Variants in SLC10A7 observed in about 807,000 individuals in gnomAD.
SLC10A7 encodes the protein solute carrier family 10 member 7, also known as sodium/bile acid cotransporter 7.
In SLC10A7, 29 loss-of-function variants were observed where a neutral mutation model predicts 43.2. The observed-to-expected ratio is 0.67, with a 90% CI of 0.50 to 0.92. The LOEUF (loss-of-function observed/expected upper bound fraction) is 0.92. Ranked by LOEUF, SLC10A7 falls within the 40% of genes least tolerant of loss-of-function variation. The probability of loss-of-function intolerance (pLI) is 0.00; values close to 1 mark genes in which losing one functional copy is unlikely to be tolerated. For missense variants in SLC10A7, 295 were observed against 403.2 expected (o/e 0.73, Z 2.30); for synonymous variants, 152 against 144.8 (o/e 1.05, Z -0.35).
intron 5 of SLC10A7, among the ~76,000 whole-genome samples, chr4:146,439,736 T>C (rs1460076933): frequency 1.3e-5 from 2 of 152,144 alleles, no homozygotes; most frequent in Non-Finnish European, 2.9e-5. Context: ...GGGAAGCTTA[T>C]ATAATTAGGC....
At chr4:146,503,290 G>T (rs940442938) in intron 4 of SLC10A7, among the ~76,000 whole-genome samples, 1 of 152,090 alleles carries the variant, frequency 6.6e-6, no homozygotes, top group Non-Finnish European at 1.5e-5. Context: ...TTCAACCAAG[G>T]AAGAACCCCC....
At chr4:146,370,432 C>T (rs1414995941) in intron 5 of SLC10A7, among the ~76,000 whole-genome samples, 2 of 152,110 alleles carry the variant, frequency 1.3e-5, no homozygotes, top group African/African-American at 4.8e-5. Flanking sequence ...TCTTTCTTAT[C>T]GGTCTGCCTA....
At chr4:146,445,770 A>G (rs1730998853) in intron 4 of SLC10A7, among the ~76,000 whole-genome samples, 1 of 152,008 alleles carries the variant, frequency 6.6e-6, no homozygotes, top group African/African-American at 2.4e-5. Context: ...GTGGAATGGG[A>G]CGAAAATCTT....
chr4:146,483,807 G>C (rs565386166), intron 4 of SLC10A7, among the ~76,000 whole-genome samples: 2 of 152,176 alleles, frequency 1.3e-5, no homozygotes, highest in South Asian at 2.1e-4. Flanking sequence ...AACCAAAAAA[G>C]AGCAGGGTAG....
chr4:146,414,823 A>C (rs2630294), intron 5 of SLC10A7, among the ~76,000 whole-genome samples: 1,715 of 152,220 alleles, frequency 0.011, 28 homozygotes, highest in African/African-American at 0.039. Context: ...TAAAATACTC[A>C]ACAGTGGAAG....
chr4:146,454,114 G>A (rs1413404509), intron 4 of SLC10A7, among the ~76,000 whole-genome samples: 1 of 151,828 alleles, frequency 6.6e-6, no homozygotes, highest in Non-Finnish European at 1.5e-5. Flanking sequence ...GTTCAAATAA[G>A]CTCATCAATT....
At chr4:146,296,045 G>A (rs1158378208) in intron 7 of SLC10A7, among the ~76,000 whole-genome samples, 1 of 152,068 alleles carries the variant, frequency 6.6e-6, no homozygotes, top group Non-Finnish European at 1.5e-5. Flanking sequence ...AACTGTATAA[G>A]CAATACAGAT....
At chr4:146,441,817 G>T in intron 5 of SLC10A7, 1 of 985,270 alleles carries the variant, frequency 1.0e-6, no homozygotes, top group Non-Finnish European at 1.2e-6. Flanking sequence ...GACACTAAAA[G>T]CTGTGTAGCA....
chr4:146,363,392 G>A (rs1443810892), intron 5 of SLC10A7, among the ~76,000 whole-genome samples: 2 of 152,068 alleles, frequency 1.3e-5, no homozygotes, highest in Non-Finnish European at 2.9e-5. Flanking sequence ...AAGAGAGAGA[G>A]AGACCCAATA....
chr4:146,380,768 TTTTCC>T (rs1737558636), intron 5 of SLC10A7, among the ~76,000 whole-genome samples: 2 of 152,088 alleles, frequency 1.3e-5, no homozygotes, highest in Non-Finnish European at 2.9e-5. Context: ...AATTTTTTTC[TTTTCC>T]TTTTCCTTTT....
chr4:146,373,473 C>CA (rs3054691), intron 5 of SLC10A7, among the ~76,000 whole-genome samples: 9,335 of 128,354 alleles, frequency 0.073, 470 homozygotes, highest in South Asian at 0.18. Context: ...GACCCTGTCT[C>CA]AAAAAAAAAA....
chr4:146,324,044 G>A (rs1490157694), intron 6 of SLC10A7, among the ~76,000 whole-genome samples: 3 of 152,090 alleles, frequency 2.0e-5, no homozygotes, highest in Non-Finnish European at 2.9e-5. Context: ...CAAACAGAGA[G>A]CCAAATCACG....
intron 5 of SLC10A7, among the ~76,000 whole-genome samples, chr4:146,407,563 G>A (rs1239123170): frequency 6.6e-6 from 1 of 152,104 alleles, no homozygotes; most frequent in African/African-American, 2.4e-5. Context: ...TTATTAAAGG[G>A]GGAAAAGGTG....
intron 1 of SLC10A7, 117 bp from the exon 2 acceptor site, chr4:146,517,237 T>G (rs1413360237): frequency 5.9e-6 from 4 of 682,590 alleles, no homozygotes; most frequent in African/African-American, 1.8e-5. Context: ...CCGAGGCGAG[T>G]AGAGCACTTG....
intron 10 of SLC10A7, among the ~76,000 whole-genome samples, chr4:146,261,425 C>G (rs548894760): frequency 3.3e-5 from 5 of 149,440 alleles, no homozygotes; most frequent in Admixed American, 2.7e-4. Flanking sequence ...CCTTTGCCCC[C>G]CCAGCTCCAG....
At chr4:146,473,922 T>C (rs1228370947) in intron 4 of SLC10A7, among the ~76,000 whole-genome samples, 1 of 152,142 alleles carries the variant, frequency 6.6e-6, no homozygotes, top group East Asian at 1.9e-4. Flanking sequence ...TCAAGGGCTA[T>C]GGCACTGATT....
intron 9 of SLC10A7, among the ~76,000 whole-genome samples, chr4:146,284,492 C>T (rs1729759320): frequency 4.6e-5 from 7 of 152,066 alleles, no homozygotes; most frequent in Admixed American, 4.6e-4. Flanking sequence ...GCTTCCTCAT[C>T]CCCTGTGCCT....
At chr4:146,309,841 CA>C (rs1467640857) in intron 6 of SLC10A7, among the ~76,000 whole-genome samples, 1 of 152,116 alleles carries the variant, frequency 6.6e-6, no homozygotes, top group Non-Finnish European at 1.5e-5. Context: ...ACTTTAGATT[CA>C]GGGGGTACAC....
chr4:146,448,888 T>C (rs1198112277), intron 4 of SLC10A7, among the ~76,000 whole-genome samples: 2 of 152,190 alleles, frequency 1.3e-5, no homozygotes, highest in Non-Finnish European at 1.5e-5. Flanking sequence ...GCAGGCTGTA[T>C]AGGTGAAGAC....
Sources: allele counts gnomAD v4.1 joint callset (sites outside exome capture counted in the v4.1 genomes callset), GRCh38; gene constraint gnomAD v4.1.1; transcripts MANE v1.5; gene names NCBI Gene and HGNC (gene_info 2026-07-23, HGNC 2026-07-21).